Variants in OCA2 observed in about 807,000 individuals in gnomAD.
OCA2 encodes OCA2 melanosomal transmembrane protein.
In OCA2, 77 loss-of-function variants were observed where a neutral mutation model predicts 100.2. The ratio of observed to expected loss-of-function variants is 0.77; its 90% CI spans 0.64 to 0.93. The LOEUF (loss-of-function observed/expected upper bound fraction) is 0.93. OCA2 is among the 40% of genes least tolerant of loss of function. The probability of loss-of-function intolerance (pLI) is 0.00; values close to 1 mark genes in which losing one functional copy is unlikely to be tolerated. For missense variants in OCA2, 1,062 were observed against 1,089.1 expected (o/e 0.98, Z 0.35); for synonymous variants, 432 against 439.2 (o/e 0.98, Z 0.21).
chr15:27,764,937 C>CTATTTCTTGATATTTTGTGTAGA (rs2031137668), intron 23 of OCA2, among the ~76,000 whole-genome samples: 1 of 152,174 alleles, frequency 6.6e-6, no homozygotes, highest in Admixed American at 6.5e-5. Flanking sequence ...ATACGTGTAG[C>CTATTTCTTGATATTTTGTGTAGA]TATTTCTTGA....
rs530390805 is a variant in OCA2 at position 27,760,466 on chromosome 15, A to G, written c.2433-4994T>C. Reference sequence around the variant, plus strand: ...GAAGAAAAGAAATAATAAAGATAAGAGCATAAATTCATGAATTTAAAAATA... The same window carrying G: ...GAAGAAAAGAAATAATAAAGATAAGGGCATAAATTCATGAATTTAAAAATA... On this transcript the variant is annotated intron_variant, in intron 23 of 23. Transcript: ENST00000354638. Among the ~76,000 whole-genome samples the G allele has an allele frequency of 2.6e-5, 4 of 152,086 alleles. No individual in the cohort carries two copies. The South Asian group carries it at 8.3e-4, about 32-fold the overall frequency.
At position 27,819,431 on chromosome 15, in the gene OCA2, C is replaced by G. The variant is rs145747256; in HGVS notation, c.2432+25528G>C. ...AGGTCCCCCACTGCCTCATCCATCT[C>G]CAAGGGAGAAGTAACTGTACAAGCT... is the stretch of plus-strand genomic sequence containing the variant. On this transcript the variant is annotated intron_variant, in intron 23 of 23. Coordinates refer to ENST00000354638, the MANE Select transcript of OCA2 (RefSeq NM_000275.3). Among the ~76,000 whole-genome samples the G allele has an allele frequency of 8.9e-4, 136 of 152,320 alleles. 2 individuals carry two copies. The East Asian group carries it at 0.02, about 22-fold the overall frequency.
chr15:28,069,204 T>C (rs1566862018), intron 2 of OCA2, among the ~76,000 whole-genome samples: 1 of 152,016 alleles, frequency 6.6e-6, no homozygotes, highest in East Asian at 1.9e-4. Flanking sequence ...TAAAGACTCC[T>C]AGAATTGATA....
chr15:28,044,735 T>C (rs41301787), intron 2 of OCA2, among the ~76,000 whole-genome samples: 5 of 152,238 alleles, frequency 3.3e-5, no homozygotes, highest in Non-Finnish European at 5.9e-5. Context: ...TTGGGATCAA[T>C]TGACCCCTGT....
intron 2 of OCA2, among the ~76,000 whole-genome samples, chr15:28,052,853 A>AG (rs1295024194): frequency 6.6e-6 from 1 of 152,168 alleles, no homozygotes; most frequent in Admixed American, 6.5e-5. Context: ...TGTTCTAGGA[A>AG]GGGGGTAATG....
Position 27,940,429 on chromosome 15 carries a change from G to A in OCA2, c.1951+11355C>T, listed in dbSNP as rs76978226. Among the ~76,000 whole-genome samples, 11 of 152,342 alleles carry A rather than the reference G, an allele frequency of 7.2e-5. No homozygotes were observed. In the East Asian group the frequency reaches 2.1e-3, roughly 29 times the overall value. On this transcript the variant is annotated intron_variant, in intron 18 of 23. Coordinates refer to ENST00000354638, the MANE Select transcript of OCA2 (RefSeq NM_000275.3). ...ACACATTCCTAGCCTGGCATTTACA[G>A]GCAGCTGTCAGTTCTATCCCCTGTC... is the stretch of plus-strand genomic sequence containing the variant.
intron 9 of OCA2, among the ~76,000 whole-genome samples, chr15:27,991,465 G>T (rs2041552686): frequency 6.6e-6 from 1 of 152,202 alleles, no homozygotes; most frequent in South Asian, 2.1e-4. Context: ...GCTGGGGAAA[G>T]AAGCCAGACA....
intron 2 of OCA2, among the ~76,000 whole-genome samples, chr15:28,068,675 T>C (rs1595903236): frequency 6.6e-6 from 1 of 152,190 alleles, no homozygotes; most frequent in African/African-American, 2.4e-5. Flanking sequence ...CTCATGAACA[T>C]AGATGCAGAA....
intron 2 of OCA2, among the ~76,000 whole-genome samples, chr15:28,077,915 A>G (rs1566873750): frequency 6.6e-6 from 1 of 152,154 alleles, no homozygotes; most frequent in Non-Finnish European, 1.5e-5. Flanking sequence ...CCCCGTCTCT[A>G]CTAAATATAC....
At position 27,957,104 on chromosome 15, in the gene OCA2, T is replaced by C. The variant is rs546152906; in HGVS notation, c.1784+484A>G. Among the ~76,000 whole-genome samples, 1 of 152,370 alleles carries C rather than the reference T, an allele frequency of 6.6e-6. No homozygotes were observed. The highest frequency in any genetic ancestry group is 2.1e-4 in the South Asian group (1 of 4,830). On this transcript the variant is annotated intron_variant, in intron 16 of 23. Coordinates refer to ENST00000354638, the MANE Select transcript of OCA2 (RefSeq NM_000275.3). The surrounding 1 kb of genome is among the most constrained non-coding windows in gnomAD (Gnocchi z 4.3). ...AAGGAGAAAAACCACCAATTCATGG[T>C]TACCCTTTAAATCTCAGCTTCAATT...
At chr15:27,804,977 G>A (rs922714780) in intron 23 of OCA2, among the ~76,000 whole-genome samples, 2 of 152,264 alleles carry the variant, frequency 1.3e-5, no homozygotes, top group East Asian at 1.9e-4. Context: ...GTGCACTCTA[G>A]CGAGACACAC....
chr15:28,081,332 T>A (rs528747944), intron 2 of OCA2, among the ~76,000 whole-genome samples: 4 of 152,342 alleles, frequency 2.6e-5, no homozygotes, highest in Admixed American at 1.3e-4. Context: ...TGTATAGAAA[T>A]AAGGCATGCC....
intron 2 of OCA2, among the ~76,000 whole-genome samples, chr15:28,076,311 A>C (rs1201652000): frequency 6.6e-6 from 1 of 152,246 alleles, no homozygotes; most frequent in Non-Finnish European, 1.5e-5. Flanking sequence ...TGACAGATGT[A>C]AACGCTGCCT....
intron 21 of OCA2, among the ~76,000 whole-genome samples, chr15:27,868,243 G>A (rs2036402805): frequency 6.6e-6 from 1 of 152,164 alleles, no homozygotes; most frequent in Non-Finnish European, 1.5e-5. Flanking sequence ...GGCTCTCGAA[G>A]AAGAAATAGC....
intron 23 of OCA2, among the ~76,000 whole-genome samples, chr15:27,836,717 A>G (rs2035166560): frequency 1.3e-5 from 2 of 152,242 alleles, no homozygotes; most frequent in African/African-American, 4.8e-5. Flanking sequence ...TAAATCTACA[A>G]AGAATTTTAT....
the OCA2 span, among the ~76,000 whole-genome samples, chr15:27,727,004 T>C: frequency 6.6e-6 from 1 of 152,144 alleles, no homozygotes; most frequent in Non-Finnish European, 1.5e-5. Flanking sequence ...GACACAGGCA[T>C]TTGCAAGCTG....
At chr15:27,984,960 C>A (rs531248098) in intron 13 of OCA2, 104 bp downstream of exon 13, 2 of 1,429,882 alleles carry the variant, frequency 1.4e-6, no homozygotes, top group Admixed American at 1.9e-5. Context: ...CCGCCCCCAC[C>A]TTTTCATGCA....
At chr15:27,864,257 G>A (rs1489223775) in intron 21 of OCA2, among the ~76,000 whole-genome samples, 1 of 152,144 alleles carries the variant, frequency 6.6e-6, no homozygotes, top group Non-Finnish European at 1.5e-5. Context: ...CACAATGGCA[G>A]AGTTGGGATT....
At chr15:28,011,512 G>T (rs1350588179) in intron 9 of OCA2, among the ~76,000 whole-genome samples, 1 of 150,988 alleles carries the variant, frequency 6.6e-6, no homozygotes, top group Non-Finnish European at 1.5e-5. Flanking sequence ...AATAGATCCT[G>T]GTCTTAAAAG....
Sources: allele counts gnomAD v4.1 joint callset (sites outside exome capture counted in the v4.1 genomes callset), GRCh38; gene constraint gnomAD v4.1.1; non-coding constraint Gnocchi (gnomAD v3.1); transcripts MANE v1.5; gene names NCBI Gene and HGNC (gene_info 2026-07-23, HGNC 2026-07-21).